STARD6: variants seen among roughly 807,000 people sequenced by gnomAD.
STARD6 encodes StAR related lipid transfer domain containing 6, also known as stAR-related lipid transfer protein 6.
In STARD6, 21 loss-of-function variants were observed where a neutral mutation model predicts 22.3. That is an observed-to-expected ratio of 0.94 (90% confidence interval 0.67 to 1.35). The LOEUF is 1.35. Among genes scored for constraint, STARD6 ranks in the 40% most tolerant of loss-of-function variants. The pLI, the probability that STARD6 is intolerant of heterozygous loss-of-function variation, is 0.00. For missense variants in STARD6, 269 were observed against 266.9 expected, an observed-to-expected ratio of 1.01 and a Z score of -0.05; for synonymous variants, 80 against 88.1, an observed-to-expected ratio of 0.91 and a Z score of 0.52.
intron 7 of STARD6, among the ~76,000 whole-genome samples, chr18:54,326,456 C>T (rs1174928231): frequency 1.3e-5 from 2 of 151,680 alleles, no homozygotes; most frequent in African/African-American, 2.4e-5. Context: ...TTCAGCCTCC[C>T]GAGTAGCTGG....
chr18:54,333,469 G>T (rs894487259), intron 5 of STARD6, among the ~76,000 whole-genome samples: 1 of 152,092 alleles, frequency 6.6e-6, no homozygotes, highest in Non-Finnish European at 1.5e-5. Flanking sequence ...AATATCTGAA[G>T]TGCTAATCAA....
chr18:54,351,540 G>A (rs2089096087), intron 4 of STARD6, among the ~76,000 whole-genome samples: 1 of 152,142 alleles, frequency 6.6e-6, no homozygotes, highest in Non-Finnish European at 1.5e-5. Context: ...TAGGAGGAAT[G>A]CTTTCAACTT....
intron 4 of STARD6, among the ~76,000 whole-genome samples, chr18:54,339,128 A>G (rs1376731903): frequency 3.1e-5 from 4 of 127,302 alleles, no homozygotes; most frequent in East Asian, 2.0e-4. Context: ...CGAAAGCAGG[A>G]AAAAAAAAAG....
At chr18:54,342,525 G>A (rs1435000342) in intron 4 of STARD6, among the ~76,000 whole-genome samples, 5 of 133,846 alleles carry the variant, frequency 3.7e-5, no homozygotes, top group South Asian at 2.5e-4. Flanking sequence ...ATGCGGAGCC[G>A]AAGCTGGACT....
At chr18:54,329,474 T>C (rs1056238852) in intron 6 of STARD6, 34 bp from the exon 7 acceptor site, 24 of 1,510,790 alleles carry the variant, frequency 1.6e-5, no homozygotes, top group Non-Finnish European at 2.0e-5. Context: ...ATGAAACCTA[T>C]TCACAAAGAG....
rs2088849211 is a variant in STARD6 at position 54,329,429 on chromosome 18, CCA to C, written c.395_396del (p.Val132GlyfsTer16). 6.2e-7 allele frequency: 1 copy of C among 1,600,128 alleles called. No homozygotes were observed. The highest frequency in any genetic ancestry group is 1.1e-5 in the South Asian group (1 of 88,064). The part of the protein sequence containing the change: ...GNMNIISSKS[V>X]DFPEYPPSSN... The stretch of plus-strand genomic sequence containing the variant: ...GAAGATGGAGGATATTCTGGAAAAT[CCA>C]CACTTTTAGCTAAGAGATTTTAAAA... On this transcript the variant is annotated frameshift_variant, in exon 7 of 8. Coordinates refer to ENST00000307844, the MANE Select transcript of STARD6 (RefSeq NM_139171.2). LOFTEE classifies it high-confidence loss of function.
Position 54,324,512 on chromosome 18 carries a change from A to G in STARD6, c.*180T>C. The G allele has an allele frequency of 2.0e-6, 1 of 495,526 alleles. No individual in the cohort carries two copies. Among genetic ancestry groups the G allele is most frequent in the Non-Finnish European group, 3.4e-6 (1 of 290,444 alleles). 30.7% of individuals were successfully genotyped at this position (495,526 alleles called of 1,614,324 possible). On this transcript the variant is annotated 3_prime_UTR_variant, in exon 8 of 8. Coordinates refer to ENST00000307844, the MANE Select transcript of STARD6 (RefSeq NM_139171.2). Reference sequence around the variant, plus strand: ...TTACGTGAGATTAAAAACGGTATTTAATGCCATATTCTTGTACAACTATGA... The same window carrying G: ...TTACGTGAGATTAAAAACGGTATTTGATGCCATATTCTTGTACAACTATGA...
At chr18:54,336,069 T>C (rs1192010633) in intron 5 of STARD6, among the ~76,000 whole-genome samples, 1 of 152,220 alleles carries the variant, frequency 6.6e-6, no homozygotes, top group African/African-American at 2.4e-5. Context: ...TACCTCATAC[T>C]GATCCTTTCT....
chr18:54,337,184 C>A lies in STARD6; in HGVS notation c.208G>T (p.Asp70Tyr). ...AATGATTTATCCCATGTAATTCTGT[C>A]TCCAGTTTGGTAGAGGAAATCAGAT... ...KLSDFLYQTG[D>Y]RITWDKSLQV... is the part of the protein sequence containing the mutation. Residue 70 changes from aspartate to tyrosine, a missense_variant, in exon 5 of 8, where the codon GAC becomes TAC. By Grantham distance (160) the Asp-to-Tyr change is radical (BLOSUM62 -3). Transcript: ENST00000307844. 6.2e-7 allele frequency: 1 copy of A among 1,613,482 alleles called. No individual in the cohort carries two copies. The highest frequency in any genetic ancestry group is 8.5e-7 in the Non-Finnish European group (1 of 1,179,662).
chr18:54,334,854 C>T (rs1312544869), intron 5 of STARD6, among the ~76,000 whole-genome samples: 2 of 152,082 alleles, frequency 1.3e-5, no homozygotes, highest in Admixed American at 6.6e-5. Context: ...CTGATGAGAA[C>T]GTAAGTTTTG....
At chr18:54,335,122 A>G (rs1050969132) in intron 5 of STARD6, among the ~76,000 whole-genome samples, 2 of 152,164 alleles carry the variant, frequency 1.3e-5, no homozygotes, top group African/African-American at 4.8e-5. Context: ...GAATTTTAAT[A>G]CATTAATGGA....
chr18:54,341,283 T>C (rs1341509025), intron 4 of STARD6, among the ~76,000 whole-genome samples: 2 of 152,138 alleles, frequency 1.3e-5, no homozygotes, highest in Non-Finnish European at 2.9e-5. Flanking sequence ...ATGGTCTCGA[T>C]CTCCCGACCT....
At chr18:54,355,172 TGG>T (rs2089133004) in intron 2 of STARD6, among the ~76,000 whole-genome samples, 1 of 152,138 alleles carries the variant, frequency 6.6e-6, no homozygotes, top group East Asian at 1.9e-4. Context: ...TTTGATCTCC[TGG>T]CTGTTCCTCA....
intron 7 of STARD6, among the ~76,000 whole-genome samples, chr18:54,326,208 G>C (rs1405264078): frequency 1.3e-5 from 2 of 151,280 alleles, no homozygotes; most frequent in African/African-American, 4.9e-5. Context: ...AAAAATCTTT[G>C]AGATGCTAAA....
At chr18:54,357,481 C>T (rs1036632514) in intron 1 of STARD6, among the ~76,000 whole-genome samples, 1 of 152,134 alleles carries the variant, frequency 6.6e-6, no homozygotes, top group African/African-American at 2.4e-5. Context: ...GGACTGCCTA[C>T]TAGCTGAGAC....
At chr18:54,343,769 TG>T (rs1299564550) in intron 4 of STARD6, among the ~76,000 whole-genome samples, 1 of 30,564 alleles carries the variant, frequency 3.3e-5, no homozygotes, top group Non-Finnish European at 6.6e-5. Flanking sequence ...GGGAGGGAGG[TG>T]GGGGGGGTCA....
chr18:54,333,885 A>G (rs1308947632), intron 5 of STARD6, among the ~76,000 whole-genome samples: 1 of 152,208 alleles, frequency 6.6e-6, no homozygotes, highest in Non-Finnish European at 1.5e-5. Flanking sequence ...AGGCCTAGTG[A>G]TCTGAAATTT....
At chr18:54,335,004 G>A (rs1241528893) in intron 5 of STARD6, among the ~76,000 whole-genome samples, 1 of 151,968 alleles carries the variant, frequency 6.6e-6, no homozygotes, top group Admixed American at 6.6e-5. Flanking sequence ...GAATTAATTA[G>A]TCAAAAGAAC....
chr18:54,344,113 C>A (rs1344565655), intron 4 of STARD6, among the ~76,000 whole-genome samples: 54 of 31,350 alleles, frequency 1.7e-3, no homozygotes, highest in Non-Finnish European at 2.5e-3. Flanking sequence ...ATGACAATGG[C>A]GGCTTTGTGG....
Sources: gnomAD v4.1 joint callset for allele counts (sites outside exome capture counted in the v4.1 genomes callset) on GRCh38, gnomAD v4.1.1 for gene constraint, MANE v1.5 for transcripts, NCBI Gene and HGNC (gene_info 2026-07-23, HGNC 2026-07-21) for gene names.